MAGI2: variants seen among roughly 807,000 people sequenced by gnomAD.
MAGI2 encodes membrane associated guanylate kinase, WW and PDZ domain containing 2.
MAGI2 carries 35 observed loss-of-function variants against 133.3 expected under a neutral mutation model. The observed-to-expected ratio is 0.26, with a 90% CI of 0.20 to 0.35. The LOEUF (loss-of-function observed/expected upper bound fraction) is 0.35. Among genes scored for constraint, MAGI2 ranks in the 10% least tolerant of loss-of-function variants. The pLI is 1.00. For synonymous variants in MAGI2, 729 were observed against 710.6 expected (o/e 1.03, Z -0.41); for missense variants, 1,636 against 1,863.4 (o/e 0.88, Z 2.25).
intron 2 of MAGI2, among the ~76,000 whole-genome samples, chr7:78,889,948 G>C (rs1000547193): frequency 7.9e-5 from 12 of 152,180 alleles, no homozygotes; most frequent in African/African-American, 2.7e-4. Flanking sequence ...TGGATAAAGA[G>C]TCAAGACGCA....
At chr7:79,170,233 T>C (rs1425169459) in intron 1 of MAGI2, among the ~76,000 whole-genome samples, 3 of 141,200 alleles carry the variant, frequency 2.1e-5, no homozygotes, top group African/African-American at 5.2e-5. Context: ...ACTGTAACCT[T>C]AACCTCCTGG....
At chr7:78,597,905 T>C (rs1215316213) in intron 3 of MAGI2, among the ~76,000 whole-genome samples, 1 of 152,020 alleles carries the variant, frequency 6.6e-6, no homozygotes, top group East Asian at 1.9e-4. Flanking sequence ...AAAATTTGCA[T>C]AAGTCTATTT....
chr7:79,163,623 T>C (rs902981852), intron 1 of MAGI2, among the ~76,000 whole-genome samples: 1 of 152,054 alleles, frequency 6.6e-6, no homozygotes, highest in Non-Finnish European at 1.5e-5. Flanking sequence ...AATCCTCAAA[T>C]AAGATTTATG....
chr7:78,205,497 T>C (rs1482048476), intron 10 of MAGI2, among the ~76,000 whole-genome samples: 2 of 152,164 alleles, frequency 1.3e-5, no homozygotes, highest in Non-Finnish European at 2.9e-5. Flanking sequence ...CCAGCCAAAT[T>C]TGAATTTTGG....
chr7:78,218,092 A>G (rs1173239320), intron 10 of MAGI2, among the ~76,000 whole-genome samples: 1 of 152,272 alleles, frequency 6.6e-6, no homozygotes, highest in Non-Finnish European at 1.5e-5. Context: ...TGGTTAGGCC[A>G]AGAGCCTTCT....
intron 1 of MAGI2, among the ~76,000 whole-genome samples, chr7:79,069,636 A>C (rs950318830): frequency 6.6e-6 from 1 of 152,138 alleles, no homozygotes; most frequent in Non-Finnish European, 1.5e-5. Context: ...TGTGAATTTG[A>C]TCCTGTCATT....
chr7:78,239,698 A>G (rs2150902464), intron 10 of MAGI2, among the ~76,000 whole-genome samples: 1 of 152,230 alleles, frequency 6.6e-6, no homozygotes, highest in East Asian at 1.9e-4. Context: ...AATCAAAACC[A>G]CAAGGCAGTA....
At chr7:78,700,692 A>G (rs1275374873) in intron 2 of MAGI2, among the ~76,000 whole-genome samples, 1 of 152,010 alleles carries the variant, frequency 6.6e-6, no homozygotes, top group Non-Finnish European at 1.5e-5. Flanking sequence ...CTGTTAGGAT[A>G]TATATTGCTT....
intron 2 of MAGI2, among the ~76,000 whole-genome samples, chr7:78,629,255 A>T (rs148955070): frequency 4.5e-4 from 69 of 152,292 alleles, no homozygotes; most frequent in African/African-American, 1.6e-3. Context: ...AACATCAGTG[A>T]GTATCACCTA....
chr7:78,085,817 G>A (rs755543338), intron 20 of MAGI2, among the ~76,000 whole-genome samples: 10 of 147,202 alleles, frequency 6.8e-5, no homozygotes, highest in South Asian at 2.1e-4. Flanking sequence ...CAGGTGGTAC[G>A]CCTTCTTTGG....
intron 9 of MAGI2, among the ~76,000 whole-genome samples, chr7:78,334,497 T>C (rs1409482598): frequency 1.3e-5 from 2 of 152,178 alleles, no homozygotes; most frequent in African/African-American, 4.8e-5. Context: ...ATAAGAAAGA[T>C]AAATGTAAAG....
intron 2 of MAGI2, among the ~76,000 whole-genome samples, chr7:78,842,096 T>A (rs1792193806): frequency 6.6e-6 from 1 of 151,998 alleles, no homozygotes. Context: ...CCATTGTTCT[T>A]CTGGGTAGCA....
At chr7:78,923,146 C>T (rs1263410199) in intron 2 of MAGI2, among the ~76,000 whole-genome samples, 1 of 152,128 alleles carries the variant, frequency 6.6e-6, no homozygotes, top group East Asian at 1.9e-4. Context: ...TGTAGGTTGC[C>T]TGTTCACACT....
At chr7:78,391,567 TTTTG>T (rs758775223) in intron 6 of MAGI2, among the ~76,000 whole-genome samples, 10 of 152,172 alleles carry the variant, frequency 6.6e-5, no homozygotes, top group South Asian at 2.1e-4. Flanking sequence ...AAAAGACACA[TTTTG>T]TTTGTATTCA....
At chr7:79,285,794 T>C (rs547979495) in intron 1 of MAGI2, among the ~76,000 whole-genome samples, 25 of 151,886 alleles carry the variant, frequency 1.6e-4, no homozygotes, top group Non-Finnish European at 3.2e-4. Flanking sequence ...CAAAGAGAGG[T>C]TGTCTTTTGA....
At chr7:78,946,377 T>A (rs1265027392) in intron 2 of MAGI2, among the ~76,000 whole-genome samples, 1 of 152,208 alleles carries the variant, frequency 6.6e-6, no homozygotes, top group Non-Finnish European at 1.5e-5. Flanking sequence ...CACTTGAACC[T>A]ATCATATGTA....
chr7:78,760,347 G>A (rs1824372262), intron 2 of MAGI2, among the ~76,000 whole-genome samples: 1 of 148,090 alleles, frequency 6.8e-6, no homozygotes, highest in South Asian at 2.1e-4. Flanking sequence ...CCTACAACTG[G>A]ACTTTAATTC....
chr7:78,834,646 G>A (rs1449736486), intron 2 of MAGI2, among the ~76,000 whole-genome samples: 3 of 152,074 alleles, frequency 2.0e-5, no homozygotes, highest in East Asian at 1.9e-4. Context: ...ATGAACACAT[G>A]CATAAAAGCT....
At chr7:79,135,999 GA>G (rs1216709387) in intron 1 of MAGI2, among the ~76,000 whole-genome samples, 30 of 28,924 alleles carry the variant, frequency 1.0e-3, no homozygotes, top group South Asian at 2.6e-3. Flanking sequence ...AAGAAAGAAA[GA>G]AAGAGAAAGA....
Sources: gnomAD v4.1 joint callset for allele counts (sites outside exome capture counted in the v4.1 genomes callset) on GRCh38, gnomAD v4.1.1 for gene constraint, MANE v1.5 for transcripts, NCBI Gene and HGNC (gene_info 2026-07-23, HGNC 2026-07-21) for gene names.